SCHIP1: variants seen among roughly 807,000 people sequenced by gnomAD.
SCHIP1 encodes the protein schwannomin-interacting protein 1.
SCHIP1 carries 8 observed loss-of-function variants against 29.7 expected under a neutral mutation model. The observed-to-expected ratio is 0.27, with a 90% CI of 0.16 to 0.49. The LOEUF (loss-of-function observed/expected upper bound fraction) is 0.49. Ranked by LOEUF, SCHIP1 falls within the 20% of genes least tolerant of loss-of-function variation. SCHIP1 has a pLI of 0.99. For missense variants in SCHIP1, 193 were observed against 294.6 expected, an observed-to-expected ratio of 0.66 and a Z score of 2.52; for synonymous variants, 76 against 94.9, an observed-to-expected ratio of 0.80 and a Z score of 1.16.
At chr3:159,293,895 G>A in the SCHIP1 span, among the ~76,000 whole-genome samples, 1 of 151,908 alleles carries the variant, frequency 6.6e-6, no homozygotes, top group Admixed American at 6.6e-5. Flanking sequence ...GTAACATAGG[G>A]GACTTCCAAG....
chr3:159,801,670 T>G, the SCHIP1 span, among the ~76,000 whole-genome samples: 1 of 152,174 alleles, frequency 6.6e-6, no homozygotes, highest in Non-Finnish European at 1.5e-5. Flanking sequence ...TCTTTCACTT[T>G]CTAAAAATCA....
the SCHIP1 span, among the ~76,000 whole-genome samples, chr3:159,654,305 GTTCA>G: frequency 6.6e-6 from 1 of 151,910 alleles, no homozygotes; most frequent in Admixed American, 6.6e-5. Context: ...TTCATCACTA[GTTCA>G]TTTTTCCCAA....
the SCHIP1 span, among the ~76,000 whole-genome samples, chr3:159,432,853 T>C: frequency 6.6e-6 from 1 of 152,178 alleles, no homozygotes; most frequent in Non-Finnish European, 1.5e-5. Flanking sequence ...TGTTACTCCA[T>C]TTCTTTGCAG....
the SCHIP1 span, among the ~76,000 whole-genome samples, chr3:159,396,859 C>T: frequency 6.0e-4 from 91 of 151,634 alleles, no homozygotes; most frequent in African/African-American, 2.1e-3. Flanking sequence ...TGAATCTGAA[C>T]GTTGGCCTGC....
At chr3:159,734,787 CTTTTTTTTTTTT>C in the SCHIP1 span, among the ~76,000 whole-genome samples, 2 of 110,508 alleles carry the variant, frequency 1.8e-5, no homozygotes, top group Admixed American at 9.8e-5. Context: ...CTTTTCTTGT[CTTTTTTTTTTTT>C]TTTTTTTTTT....
intron 2 of SCHIP1, among the ~76,000 whole-genome samples, chr3:159,877,669 C>T (rs1353565878): frequency 2.0e-5 from 3 of 152,178 alleles, no homozygotes; most frequent in African/African-American, 4.8e-5. Flanking sequence ...ACTGACTCTC[C>T]GCTGTCATGT....
the SCHIP1 span, among the ~76,000 whole-genome samples, chr3:159,540,223 G>A: frequency 2.0e-5 from 3 of 152,004 alleles, 1 homozygote; most frequent in African/African-American, 7.2e-5. Flanking sequence ...TAGGCCTGAT[G>A]TTTTTTAAAA....
chr3:159,598,158 G>A, the SCHIP1 span, among the ~76,000 whole-genome samples: 1 of 152,114 alleles, frequency 6.6e-6, no homozygotes, highest in East Asian at 1.9e-4. Context: ...GATGAGATTT[G>A]GGTGGGGACA....
At chr3:159,765,084 G>A in the SCHIP1 span, 1 of 1,571,454 alleles carries the variant, frequency 6.4e-7, no homozygotes, top group East Asian at 2.3e-5. Flanking sequence ...CCGGGCTGCA[G>A]TTCCGGGAGC....
chr3:159,458,682 G>A, the SCHIP1 span, among the ~76,000 whole-genome samples: 1 of 151,908 alleles, frequency 6.6e-6, no homozygotes, highest in Admixed American at 6.6e-5. Flanking sequence ...AACACATGAA[G>A]GTAATTGCTT....
At chr3:159,385,840 C>T in the SCHIP1 span, among the ~76,000 whole-genome samples, 1 of 152,050 alleles carries the variant, frequency 6.6e-6, no homozygotes, top group African/African-American at 2.4e-5. Context: ...TGCTATCCCT[C>T]CCCTAGCCCC....
At chr3:159,502,483 TA>T in the SCHIP1 span, among the ~76,000 whole-genome samples, 1 of 149,132 alleles carries the variant, frequency 6.7e-6, no homozygotes, top group East Asian at 2.0e-4. Flanking sequence ...TTTCTTTTTT[TA>T]AAAATTTTAT....
chr3:159,749,150 C>T, the SCHIP1 span, among the ~76,000 whole-genome samples: 1 of 151,954 alleles, frequency 6.6e-6, no homozygotes, highest in African/African-American at 2.4e-5. Flanking sequence ...TGGTGCACTA[C>T]TGTAGTCCCA....
chr3:159,667,045 A>AT, the SCHIP1 span, among the ~76,000 whole-genome samples: 2 of 152,222 alleles, frequency 1.3e-5, no homozygotes, highest in African/African-American at 4.8e-5. Flanking sequence ...AATGGCAATG[A>AT]TGTGTGTGTT....
chr3:159,717,186 T>A, the SCHIP1 span, among the ~76,000 whole-genome samples: 1 of 151,874 alleles, frequency 6.6e-6, no homozygotes, highest in Admixed American at 6.5e-5. Flanking sequence ...AAACCAATGA[T>A]AACAAAGACA....
the SCHIP1 span, among the ~76,000 whole-genome samples, chr3:159,369,476 A>G: frequency 4.6e-5 from 7 of 152,140 alleles, no homozygotes; most frequent in African/African-American, 1.7e-4. Context: ...AATCAACATT[A>G]TCAGGTTGAT....
the SCHIP1 span, among the ~76,000 whole-genome samples, chr3:159,776,765 A>G: frequency 6.6e-6 from 1 of 152,142 alleles, no homozygotes; most frequent in Non-Finnish European, 1.5e-5. Context: ...CGTGACTAAA[A>G]CCTCTATAGA....
At chr3:159,505,027 A>G in the SCHIP1 span, among the ~76,000 whole-genome samples, 1 of 152,194 alleles carries the variant, frequency 6.6e-6, no homozygotes, top group Non-Finnish European at 1.5e-5. Context: ...CTCCAGGTGG[A>G]GGGAATAGCA....
the SCHIP1 span, among the ~76,000 whole-genome samples, chr3:159,442,637 A>C: frequency 6.6e-6 from 1 of 152,198 alleles, no homozygotes; most frequent in African/African-American, 2.4e-5. Flanking sequence ...CTACACTTTC[A>C]GAACTGGGTA....
Sources: allele counts gnomAD v4.1 joint callset (sites outside exome capture counted in the v4.1 genomes callset), GRCh38; gene constraint gnomAD v4.1.1; transcripts MANE v1.5; gene names NCBI Gene and HGNC (gene_info 2026-07-23, HGNC 2026-07-21).